Variants in TSHR observed in about 807,000 individuals in gnomAD.
TSHR encodes thyroid stimulating hormone receptor.
TSHR carries 51 observed loss-of-function variants against 64.1 expected under a neutral mutation model. The ratio of observed to expected loss-of-function variants is 0.80; its 90% confidence interval spans 0.64 to 1.01. The LOEUF (loss-of-function observed/expected upper bound fraction) is 1.01. Ranked by LOEUF, TSHR falls within the 50% of genes least tolerant of loss-of-function variation. The probability of loss-of-function intolerance (pLI) is 0.00; values close to 1 mark genes in which losing one functional copy is unlikely to be tolerated. For missense variants in TSHR, 877 were observed against 942.8 expected, an observed-to-expected ratio of 0.93 and a Z score of 0.91; for synonymous variants, 361 against 361.9, an observed-to-expected ratio of 1.00 and a Z score of 0.03.
In TSHR at chr14:80,962,867, A is replaced by G. The variant is rs1202577375; in HGVS notation, c.170+7017A>G. 3.3e-5 allele frequency among the ~76,000 whole-genome samples: 5 copies of G among 152,346 alleles called. No individual in the cohort carries two copies. The South Asian group carries it at 8.3e-4, about 25-fold the overall frequency. ...TCTACAATCTAGAAAGGTGTAAAATAATTCCCATAGAATCAGACTGAGAAA... is the reference window on the plus strand; with the variant it reads ...TCTACAATCTAGAAAGGTGTAAAATGATTCCCATAGAATCAGACTGAGAAA... On this transcript the variant is annotated intron_variant, in intron 1 of 9. Coordinates refer to ENST00000298171, the MANE Select transcript of TSHR (RefSeq NM_000369.5).
chr14:80,978,131 A>G (rs1301234999), intron 1 of TSHR, among the ~76,000 whole-genome samples: 2 of 133,564 alleles, frequency 1.5e-5, no homozygotes, highest in Admixed American at 1.5e-4. Context: ...ACACACACAC[A>G]TGCATGTGCA....
At chr14:81,105,900 A>G (rs181138148) in intron 7 of TSHR, among the ~76,000 whole-genome samples, 1 of 152,274 alleles carries the variant, frequency 6.6e-6, no homozygotes, top group Admixed American at 6.5e-5. Flanking sequence ...CAGCCCTTGT[A>G]CTGAACTTAG....
chr14:81,007,646 T>C (rs8012937), intron 1 of TSHR, among the ~76,000 whole-genome samples: 16,253 of 152,220 alleles, frequency 0.11, 2,831 homozygotes, highest in African/African-American at 0.37. Flanking sequence ...TCTCCCATAA[T>C]ATTACTCTTT....
Position 81,072,860 on chromosome 14 carries a change from A to G in TSHR, c.317+4532A>G, listed in dbSNP as rs1022228681. ...AAAATACAAAAAATTAGCCGGGCGT[A>G]GTGGCGGGCGCCTGTAGTCCCAGCT... On this transcript the variant is annotated intron_variant, in intron 3 of 9. Coordinates refer to ENST00000298171, the MANE Select transcript of TSHR (RefSeq NM_000369.5). Among the ~76,000 whole-genome samples the G allele has an allele frequency of 1.4e-5, 2 of 143,192 alleles. 1 individual carries two copies. Among genetic ancestry groups the G allele is most frequent in the African/African-American group, 5.6e-5 (2 of 35,794 alleles). The allele number at this position is 143,192 out of a possible 152,430, so 93.9% of individuals were successfully genotyped here. A position where few individuals can be genotyped will look rare whatever the true frequency, so the allele number is the denominator to read the frequency against.
At chr14:81,114,826 G>C (rs1206179419) in intron 8 of TSHR, among the ~76,000 whole-genome samples, 1 of 152,206 alleles carries the variant, frequency 6.6e-6, no homozygotes, top group East Asian at 1.9e-4. Context: ...CACGCAGCTG[G>C]AGATCTGAGA....
At chr14:80,966,068 TG>T (rs1422999225) in intron 1 of TSHR, among the ~76,000 whole-genome samples, 2 of 152,246 alleles carry the variant, frequency 1.3e-5, no homozygotes, top group African/African-American at 2.4e-5. Context: ...ATGAAGCTTT[TG>T]GCTTATATTT....
chr14:81,084,358 T>G, intron 3 of TSHR, among the ~76,000 whole-genome samples: 1 of 139,454 alleles, frequency 7.2e-6, no homozygotes, highest in Non-Finnish European at 1.5e-5. Flanking sequence ...CTTTATTACT[T>G]TTTTTTATTT....
rs911354556 is a variant in TSHR at position 81,139,705 on chromosome 14, C to A, written c.719C>A (p.Ala240Asp). 8.7e-6 allele frequency: 14 copies of A among 1,614,064 alleles called. No individual in the cohort carries two copies. Among genetic ancestry groups the A allele is most frequent in the African/African-American group, 1.3e-5 (1 of 74,934 alleles). ...GACGTGTCTCAAACCAGTGTCACTG[C>A]CCTTCCATCCAAAGGCCTGGAGCAC... Reference protein sequence around the residue: ...LLDVSQTSVTALPSKGLEHLK... With the variant: ...LLDVSQTSVTDLPSKGLEHLK... The change falls in exon 9 of 10, where the codon GCC becomes GAC. Residue 240 changes from alanine (A) to aspartate (D), a missense_variant. Ala to Asp is a moderately radical substitution (Grantham distance 126). Coordinates refer to ENST00000298171, the MANE Select transcript of TSHR (RefSeq NM_000369.5).
At chr14:81,085,696 T>C (rs576389667) in intron 3 of TSHR, among the ~76,000 whole-genome samples, 3 of 152,204 alleles carry the variant, frequency 2.0e-5, no homozygotes, top group Non-Finnish European at 4.4e-5. Flanking sequence ...GGACTACTCG[T>C]TCAACGACAG....
chr14:81,104,800 T>G (rs778386004), intron 7 of TSHR: 26 of 985,310 alleles, frequency 2.6e-5, no homozygotes, highest in Non-Finnish European at 2.9e-5. Flanking sequence ...ACTCCATGTA[T>G]GGAAATCTGA....
At chr14:81,106,436 A>G (rs1233566020) in intron 7 of TSHR, among the ~76,000 whole-genome samples, 1 of 152,226 alleles carries the variant, frequency 6.6e-6, no homozygotes, top group Non-Finnish European at 1.5e-5. Flanking sequence ...CTACTCATTC[A>G]CATATTCATC....
At chr14:81,100,121 ACT>A (rs1319537737) in intron 7 of TSHR, among the ~76,000 whole-genome samples, 3 of 152,058 alleles carry the variant, frequency 2.0e-5, no homozygotes, top group Non-Finnish European at 4.4e-5. Context: ...TATTTCTTCA[ACT>A]CTCTTTCCAT....
At chr14:81,035,270 A>C (rs941839943) in intron 1 of TSHR, among the ~76,000 whole-genome samples, 1 of 152,190 alleles carries the variant, frequency 6.6e-6, no homozygotes, top group African/African-American at 2.4e-5. Context: ...AACTGCAGAA[A>C]GGTTCCAATG....
rs865812830 is a variant in TSHR at position 81,117,360 on chromosome 14, G to A, written c.692+8908G>A. On this transcript the variant is annotated intron_variant, in intron 8 of 9. Transcript: ENST00000298171. ...AAATGATAAAGGGGATATCACCACC[G>A]ATCCCACAGAAATACAAACTACCAT... Among the ~76,000 whole-genome samples, 302 of 115,844 alleles carry A rather than the reference G, an allele frequency of 2.6e-3. 23 individuals are homozygous for A. Among genetic ancestry groups the A allele is most frequent in the African/African-American group, 0.011 (271 of 24,220 alleles). 76.0% of individuals were successfully genotyped at this position (115,844 alleles called of 152,430 possible). A position where few individuals can be genotyped will look rare whatever the true frequency, so the allele number is the denominator to read the frequency against.
intron 4 of TSHR, among the ~76,000 whole-genome samples, chr14:81,088,525 T>C (rs1022480924): frequency 2.0e-5 from 3 of 152,244 alleles, no homozygotes; most frequent in African/African-American, 4.8e-5. Flanking sequence ...AAACACCTTA[T>C]GAGCTAACCA....
chr14:80,969,750 G>A (rs1025615691), intron 1 of TSHR, among the ~76,000 whole-genome samples: 2 of 152,108 alleles, frequency 1.3e-5, no homozygotes, highest in African/African-American at 2.4e-5. Context: ...GAGATTCACC[G>A]CAAACCAGAG....
intron 8 of TSHR, among the ~76,000 whole-genome samples, chr14:81,113,955 G>C (rs540056101): frequency 6.5e-4 from 99 of 152,216 alleles, no homozygotes; most frequent in African/African-American, 2.3e-3. Context: ...AATAAGCACA[G>C]TTGGGGTTAG....
rs553183617 is a variant in TSHR at position 81,093,696 on chromosome 14, C to T, written c.545+1088C>T. ...ACCTCAACTTCTGAGAGCAATGGAG[C>T]ATTTCAGATGATCCTTCTCATCACA... On this transcript the variant is annotated intron_variant, in intron 6 of 9. Transcript: ENST00000298171. The T allele has an allele frequency of 2.6e-5, 4 of 152,336 alleles. No individual in the cohort carries two copies. In the South Asian group the frequency reaches 6.2e-4, roughly 24 times the overall value. The allele number at this position is 152,336 out of a possible 1,614,324, so 9.4% of individuals were successfully genotyped here. A position where few individuals can be genotyped will look rare whatever the true frequency, so the allele number is the denominator to read the frequency against.
At chr14:81,021,340 T>A (rs1371307835) in intron 1 of TSHR, among the ~76,000 whole-genome samples, 1 of 152,124 alleles carries the variant, frequency 6.6e-6, no homozygotes, top group Non-Finnish European at 1.5e-5. Flanking sequence ...TAATTACTAT[T>A]CCACTGAAAA....
Sources: gnomAD v4.1 joint callset for allele counts (sites outside exome capture counted in the v4.1 genomes callset) on GRCh38, gnomAD v4.1.1 for gene constraint, MANE v1.5 for transcripts, NCBI Gene and HGNC (gene_info 2026-07-23, HGNC 2026-07-21) for gene names.